Variants in CD207 observed in about 807,000 individuals in gnomAD.
CD207 encodes C-type lectin domain family 4 member K.
In CD207, 28 loss-of-function variants were observed where a neutral mutation model predicts 31.6. That is an observed-to-expected ratio of 0.89 (90% CI 0.66 to 1.21). CD207 has a LOEUF of 1.21. Ranked by LOEUF, CD207 falls within the 50% of genes most tolerant of loss-of-function variation. The probability of loss-of-function intolerance (pLI) is 0.00; values close to 1 mark genes in which losing one functional copy is unlikely to be tolerated. For missense variants in CD207, 388 were observed against 397.8 expected, an observed-to-expected ratio of 0.98 and a Z score of 0.21; for synonymous variants, 168 against 153.9, an observed-to-expected ratio of 1.09 and a Z score of -0.68.
chr2:70,834,507 C>T (rs1343390489), intron 2 of CD207, among the ~76,000 whole-genome samples: 1 of 152,064 alleles, frequency 6.6e-6, no homozygotes, highest in Non-Finnish European at 1.5e-5. Flanking sequence ...CCCTCTGTGA[C>T]CATGGGAAGA....
downstream of CD207, among the ~76,000 whole-genome samples, chr2:70,828,967 T>C (rs10206319): frequency 0.7 from 106,640 of 152,046 alleles, 37,482 homozygotes; most frequent in Middle Eastern, 0.76. Context: ...GCCAGGCCTG[T>C]ATTCATGTCT....
In CD207 at chr2:70,831,760, C is replaced by G. The variant is rs1278140988; in HGVS notation, c.777G>C (p.Gly259=). The G allele has an allele frequency of 2.5e-6, 4 of 1,613,868 alleles. No homozygotes were observed. The highest frequency in any genetic ancestry group is 1.3e-5 in the African/African-American group (1 of 75,036). Residue 259 remains glycine, a synonymous_variant, in exon 5 of 6, where the codon GGG becomes GGC. Transcript: ENST00000410009. ...CCACCCAGGACCAGTCCCCTTCCAT[C>G]CCTGCTTTAGTCAGGCCAATCCAGT... The part of the protein sequence containing the change: ...LIYWIGLTKA[G]MEGDWSWVDD...
intron 4 of CD207, 43 bp downstream of exon 4, chr2:70,832,857 G>A (rs1472112215): frequency 6.4e-7 from 1 of 1,564,384 alleles, no homozygotes; most frequent in Admixed American, 1.9e-5. Context: ...CTGGCCCAGT[G>A]CTCATACGCC....
chr2:70,824,637 A>AAAAAAACAAAC, the CD207 span, among the ~76,000 whole-genome samples: 1 of 149,970 alleles, frequency 6.7e-6, no homozygotes, highest in East Asian at 1.9e-4. Context: ...AAAAAAAAAA[A>AAAAAAACAAAC]AAAAAAAAAC....
At position 70,835,720 on chromosome 2, in the gene CD207, G is replaced by T. The variant is rs1677602276; in HGVS notation, c.57C>A (p.Ile19=). 1 of 1,613,382 alleles carries T rather than the reference G, an allele frequency of 6.2e-7. No homozygotes were observed. The highest frequency in any genetic ancestry group is 1.3e-5 in the African/African-American group (1 of 75,034). Reference sequence around the variant, plus strand: ...GTGGCTTGCCTCGGGGCCAGAGGGAGATGTTCTGTTTGTCCACAGTGAAGT... The same window carrying T: ...GTGGCTTGCCTCGGGGCCAGAGGGATATGTTCTGTTTGTCCACAGTGAAGT... The part of the protein sequence containing the change: ...DAHFTVDKQN[I]SLWPREPPPK... The change falls in exon 1 of 6, where the codon ATC becomes ATA. Residue 19 remains isoleucine, a synonymous_variant. Transcript: ENST00000410009.
In CD207 at chr2:70,830,987, G is replaced by C; in HGVS notation, c.*63C>G. On this transcript the variant is annotated 3_prime_UTR_variant, in exon 6 of 6. Coordinates refer to ENST00000410009, the MANE Select transcript of CD207 (RefSeq NM_015717.5). ...GTCATCCTGGAGTCTGGGGAAGAAA[G>C]AGGCATTTCCTCATGTTTAACAAGC... 6.8e-7 allele frequency: 1 copy of C among 1,470,428 alleles called. No individual in the cohort carries two copies. The highest frequency in any genetic ancestry group is 1.3e-5 in the South Asian group (1 of 78,232). The allele number at this position is 1,470,428 out of a possible 1,614,324, so 91.1% of individuals were successfully genotyped here. A position where few individuals can be genotyped will look rare whatever the true frequency, so the allele number is the denominator to read the frequency against.
chr2:70,828,949 G>C (rs1214357196), downstream of CD207, among the ~76,000 whole-genome samples: 2 of 152,192 alleles, frequency 1.3e-5, no homozygotes, highest in Admixed American at 6.5e-5. Context: ...ATAGGCATGA[G>C]CCACCATGCC....
chr2:70,833,690 A>G lies in CD207; in HGVS notation c.521T>C (p.Leu174Pro), dbSNP rs782196863. The G allele has an allele frequency of 6.2e-7, 1 of 1,613,928 alleles. No homozygotes were observed. The change falls in exon 3 of 6, where the codon CTC becomes CCC. Residue 174 changes from leucine (L) to proline (P), a missense_variant. Leu to Pro is a moderately conservative substitution (Grantham distance 98). Coordinates refer to ENST00000410009, the MANE Select transcript of CD207 (RefSeq NM_015717.5). ...GCTCATATTCTCCAAGCTGCCCTGG[A>G]GTGCCCGGATCTTTGTATTTAAAGC... ...ASALNTKIRA[L>P]QGSLENMSKL... is the part of the protein sequence containing the mutation.
At chr2:70,831,675 T>G (rs781817790) in intron 5 of CD207, 26 bp downstream of exon 5, 2 of 1,420,916 alleles carry the variant, frequency 1.4e-6, no homozygotes, top group Non-Finnish European at 2.0e-6. Flanking sequence ...AAAGTCAGGC[T>G]GGCACGGAGG....
the CD207 span, among the ~76,000 whole-genome samples, chr2:70,824,588 T>C: frequency 9.6e-6 from 1 of 103,790 alleles, no homozygotes; most frequent in South Asian, 3.2e-4. Context: ...TGGAGCATCT[T>C]GTAGTACCAG....
downstream of CD207, among the ~76,000 whole-genome samples, chr2:70,827,627 C>A (rs1276977569): frequency 6.6e-6 from 1 of 152,068 alleles, no homozygotes; most frequent in Admixed American, 6.5e-5. Flanking sequence ...TAGGCAACTA[C>A]ACACGTGTGT....
chr2:70,832,095 A>G (rs1252781550), intron 4 of CD207, among the ~76,000 whole-genome samples: 1 of 152,250 alleles, frequency 6.6e-6, no homozygotes, highest in Non-Finnish European at 1.5e-5. Flanking sequence ...GCTGAACTCC[A>G]GAGCACGGAC....
chr2:70,825,192 A>G, the CD207 span, among the ~76,000 whole-genome samples: 1 of 152,218 alleles, frequency 6.6e-6, no homozygotes, highest in Non-Finnish European at 1.5e-5. Flanking sequence ...GGGACAATCT[A>G]CAAAGTACCT....
At position 70,833,633 on chromosome 2, in the gene CD207, C is replaced by G. The variant is rs781474817; in HGVS notation, c.565+13G>C. The stretch of plus-strand genomic sequence containing the variant: ...CACTGGTCAGCTTCAATGTAATTTT[C>G]TGAGTCACTTACTTTGTCGTTTGAG... On this transcript the variant is annotated intron_variant, in intron 3 of 5. Coordinates refer to ENST00000410009, the MANE Select transcript of CD207 (RefSeq NM_015717.5). 2 of 1,595,830 alleles carry G rather than the reference C, an allele frequency of 1.3e-6. No homozygotes were observed. Among genetic ancestry groups the G allele is most frequent in the Non-Finnish European group, 1.7e-6 (2 of 1,169,904 alleles).
intron 2 of CD207, 135 bp downstream of exon 2, chr2:70,835,356 A>G (rs1359197963): frequency 1.2e-5 from 8 of 694,190 alleles, no homozygotes; most frequent in East Asian, 2.7e-5. Flanking sequence ...CTGCACATGG[A>G]AAGAGGAGGA....
At chr2:70,824,687 G>A in the CD207 span, among the ~76,000 whole-genome samples, 46 of 140,236 alleles carry the variant, frequency 3.3e-4, no homozygotes, top group African/African-American at 1.2e-3. Flanking sequence ...ACCAATGAAG[G>A]AGCTCCCAAT....
chr2:70,832,799 C>G, intron 4 of CD207, 101 bp downstream of exon 4: 1 of 1,166,866 alleles, frequency 8.6e-7, no homozygotes. Flanking sequence ...ATTAGGTCAT[C>G]AATATTTGGG....
downstream of CD207, among the ~76,000 whole-genome samples, chr2:70,825,278 T>C (rs782255453): frequency 5.3e-5 from 8 of 152,108 alleles, no homozygotes; most frequent in Admixed American, 2.6e-4. Flanking sequence ...GCCAAGAGGA[T>C]CCCAAGGAGA....
At chr2:70,826,544 T>C (rs527595211), downstream of CD207, among the ~76,000 whole-genome samples, 1,749 of 152,030 alleles carry the variant, frequency 0.012, 26 homozygotes, top group Middle Eastern at 0.037. Context: ...CCCAGCTAAT[T>C]TTTTTTGTAT....
Sources: gnomAD v4.1 joint callset for allele counts (sites outside exome capture counted in the v4.1 genomes callset) on GRCh38, gnomAD v4.1.1 for gene constraint, MANE v1.5 for transcripts, NCBI Gene and HGNC (gene_info 2026-07-23, HGNC 2026-07-21) for gene names.